KANSL1: variants seen among roughly 807,000 people sequenced by gnomAD.
The protein encoded by KANSL1 is KAT8 regulatory NSL complex subunit 1.
In KANSL1, 22 loss-of-function variants were observed where a neutral mutation model predicts 103.6. That is an observed-to-expected ratio of 0.21 (90% CI 0.15 to 0.30). KANSL1 has a LOEUF of 0.30. KANSL1 is among the 10% of genes least tolerant of loss of function. The probability of loss-of-function intolerance (pLI) is 1.00; values close to 1 mark genes in which losing one functional copy is unlikely to be tolerated. For synonymous variants in KANSL1, 600 were observed against 527.6 expected, an observed-to-expected ratio of 1.14 and a Z score of -1.88; for missense variants, 1,337 against 1,399.8, an observed-to-expected ratio of 0.96 and a Z score of 0.72.
intron 2 of KANSL1, among the ~76,000 whole-genome samples, chr17:46,118,530 C>T (rs1302216955): frequency 6.6e-6 from 1 of 152,168 alleles, no homozygotes; most frequent in East Asian, 1.9e-4. Flanking sequence ...GGGCCCCACC[C>T]CCAGAGTTTC....
At chr17:46,112,578 A>G (rs549370968) in intron 2 of KANSL1, among the ~76,000 whole-genome samples, 4 of 151,920 alleles carry the variant, frequency 2.6e-5, no homozygotes, top group African/African-American at 7.2e-5. Flanking sequence ...TCAGCTACTC[A>G]GGAGGCTGAG....
intron 2 of KANSL1, among the ~76,000 whole-genome samples, chr17:46,139,296 C>A (rs1030352376): frequency 1.1e-3 from 159 of 139,406 alleles, no homozygotes; most frequent in East Asian, 2.2e-3. Flanking sequence ...TTTCATAGGC[C>A]AAAAAAAAAA....
chr17:46,083,578 C>G (rs912765655), intron 3 of KANSL1, among the ~76,000 whole-genome samples: 1 of 152,018 alleles, frequency 6.6e-6, no homozygotes, highest in Non-Finnish European at 1.5e-5. Context: ...TCTCTCTCCT[C>G]CCCCACCCCG....
At chr17:46,101,475 G>C (rs531606932) in intron 2 of KANSL1, among the ~76,000 whole-genome samples, 204 of 152,222 alleles carry the variant, frequency 1.3e-3, no homozygotes, top group African/African-American at 4.7e-3. Flanking sequence ...TAGTCAGCTG[G>C]GCACGGTGGC....
At chr17:46,036,869 G>T (rs559416807) in intron 10 of KANSL1, among the ~76,000 whole-genome samples, 1 of 152,020 alleles carries the variant, frequency 6.6e-6, no homozygotes, top group Admixed American at 6.6e-5. Context: ...ATGCCACCAC[G>T]CCCAGTTAAT....
intron 2 of KANSL1, among the ~76,000 whole-genome samples, chr17:46,152,145 A>G (rs1194106081): frequency 2.6e-5 from 4 of 152,250 alleles, no homozygotes; most frequent in African/African-American, 9.6e-5. Context: ...CAAAAATTGA[A>G]AACTATGAAT....
intron 6 of KANSL1, 50 bp from the exon 7 acceptor site, chr17:46,050,754 CAGCT>C: frequency 6.4e-7 from 1 of 1,558,506 alleles, no homozygotes; most frequent in Non-Finnish European, 8.8e-7. Flanking sequence ...GATAAAAAGC[CAGCT>C]ACCCATTTGT....
upstream of KANSL1, among the ~76,000 whole-genome samples, chr17:46,224,182 C>T (rs2048613736): frequency 3.3e-5 from 5 of 152,246 alleles, no homozygotes; most frequent in Admixed American, 3.3e-4. Flanking sequence ...AGTAAAACTT[C>T]TCTAATCATC....
chr17:46,071,667 T>C (rs778851641), intron 4 of KANSL1, among the ~76,000 whole-genome samples: 12 of 152,244 alleles, frequency 7.9e-5, no homozygotes, highest in Non-Finnish European at 1.6e-4. Flanking sequence ...ACATCATTAG[T>C]GTTTTTAGAA....
At chr17:46,127,693 G>A (rs1401391338) in intron 2 of KANSL1, among the ~76,000 whole-genome samples, 1 of 151,998 alleles carries the variant, frequency 6.6e-6, no homozygotes, top group Non-Finnish European at 1.5e-5. Flanking sequence ...TGGGAGGACT[G>A]CTTGAGCCCA....
In KANSL1 at chr17:46,192,360, G is replaced by A. The variant is rs2696635; in HGVS notation, c.-90+463C>T. ...GGAGACTACATCTGAAAACGTAAGT[G>A]ACCTGAATTTACAGGCAACAAAAAT... On this transcript the variant is annotated intron_variant, in intron 1 of 14. Transcript: ENST00000432791. The A allele has an allele frequency of 0.12, 18,384 of 148,978 alleles. 23 individuals are homozygous for A. Among genetic ancestry groups the A allele is most frequent in the Middle Eastern group, 0.19 (54 of 286 alleles). 9.2% of individuals were successfully genotyped at this position (148,978 alleles called of 1,614,324 possible).
chr17:46,057,016 G>A (rs1475954925), intron 6 of KANSL1, among the ~76,000 whole-genome samples: 4 of 152,022 alleles, frequency 2.6e-5, no homozygotes, highest in South Asian at 2.1e-4. Flanking sequence ...TTCAAATTAC[G>A]GTCATCCCGT....
chr17:46,033,212 T>A lies in KANSL1; in HGVS notation c.2725-20A>T. On this transcript the variant is annotated intron_variant, in intron 12 of 14. Coordinates refer to ENST00000432791, the MANE Select transcript of KANSL1 (RefSeq NM_015443.4). The stretch of plus-strand genomic sequence containing the variant: ...CTCAATCTGCAATAGAGCAGCTTCA[T>A]CGATCCCCTCTTTTCTCCAGGAGTT... The A allele has an allele frequency of 6.4e-7, 1 of 1,559,840 alleles. No homozygotes were observed. The highest frequency in any genetic ancestry group is 8.8e-7 in the Non-Finnish European group (1 of 1,142,294).
chr17:46,135,047 A>G (rs2147305262), intron 2 of KANSL1, among the ~76,000 whole-genome samples: 1 of 152,256 alleles, frequency 6.6e-6, no homozygotes, highest in South Asian at 2.1e-4. Flanking sequence ...TCTACCTGAT[A>G]GTCTCTTCTG....
intron 2 of KANSL1, among the ~76,000 whole-genome samples, chr17:46,161,672 T>C (rs1248166007): frequency 2.0e-5 from 3 of 152,264 alleles, no homozygotes; most frequent in Non-Finnish European, 4.4e-5. Flanking sequence ...ACATGCCCTC[T>C]ATTCTTTTAG....
intron 3 of KANSL1, among the ~76,000 whole-genome samples, chr17:46,082,774 T>G (rs2079031734): frequency 6.6e-6 from 1 of 152,098 alleles, no homozygotes; most frequent in South Asian, 2.1e-4. Context: ...CCTACATGGC[T>G]CATCAGCCAT....
At chr17:46,090,123 A>T (rs1442697140) in intron 3 of KANSL1, among the ~76,000 whole-genome samples, 1 of 152,228 alleles carries the variant, frequency 6.6e-6, no homozygotes, top group Non-Finnish European at 1.5e-5. Flanking sequence ...ACAGATGCAA[A>T]GAGAAAGATG....
chr17:46,217,609 C>T (rs2048380980), intron 1 of KANSL1, among the ~76,000 whole-genome samples: 1 of 151,944 alleles, frequency 6.6e-6, no homozygotes, highest in Non-Finnish European at 1.5e-5. Context: ...CACAGGGAGG[C>T]TGGGCGCCGT....
chr17:46,168,141 C>CA (rs1431487218), intron 2 of KANSL1, among the ~76,000 whole-genome samples: 2 of 152,372 alleles, frequency 1.3e-5, no homozygotes, highest in East Asian at 3.9e-4. Flanking sequence ...CATTTCTCAG[C>CA]ATCAAAGAAC....
Sources: gnomAD v4.1 joint callset for allele counts (sites outside exome capture counted in the v4.1 genomes callset) on GRCh38, gnomAD v4.1.1 for gene constraint, MANE v1.5 for transcripts, NCBI Gene and HGNC (gene_info 2026-07-23, HGNC 2026-07-21) for gene names.